The following RBFOX1 variants were observed in gnomAD, a reference collection of about 807,000 sequenced individuals.
The protein encoded by RBFOX1 is RNA binding fox-1 homolog 1, also known as RNA binding protein fox-1 homolog 1.
RBFOX1 carries 8 observed loss-of-function variants against 57.7 expected under a neutral mutation model. That is an observed-to-expected ratio of 0.14 (90% CI 0.08 to 0.25). RBFOX1 has a LOEUF of 0.25. Among genes scored for constraint, RBFOX1 ranks in the 10% least tolerant of loss-of-function variants. RBFOX1 has a pLI of 1.00. For synonymous variants in RBFOX1, 326 were observed against 222.4 expected (o/e 1.47, Z -4.15); for missense variants, 611 against 548.5 (o/e 1.11, Z -1.14).
At chr16:7,487,296 A>G (rs1050730063) in intron 4 of RBFOX1, among the ~76,000 whole-genome samples, 1 of 152,006 alleles carries the variant, frequency 6.6e-6, no homozygotes, top group African/African-American at 2.4e-5. Context: ...CTTTATCTCA[A>G]ATAGCGGCCC....
At chr16:7,297,281 G>T (rs1284288976) in intron 4 of RBFOX1, among the ~76,000 whole-genome samples, 1 of 152,164 alleles carries the variant, frequency 6.6e-6, no homozygotes, top group African/African-American at 2.4e-5. Flanking sequence ...CTGTGAGATG[G>T]GTAATTGAGA....
intron 2 of RBFOX1, among the ~76,000 whole-genome samples, chr16:5,508,067 C>T (rs1472501001): frequency 6.6e-6 from 1 of 152,210 alleles, no homozygotes; most frequent in African/African-American, 2.4e-5. Context: ...TGGACAGTCC[C>T]CGGCCCCTCT....
At chr16:6,524,191 G>A (rs545410815) in intron 2 of RBFOX1, among the ~76,000 whole-genome samples, 3 of 152,072 alleles carry the variant, frequency 2.0e-5, no homozygotes, top group South Asian at 2.1e-4. Context: ...CTCTATCTCC[G>A]TGAGTTCTAT....
At chr16:7,382,921 C>G (rs924451365) in intron 4 of RBFOX1, among the ~76,000 whole-genome samples, 5 of 152,104 alleles carry the variant, frequency 3.3e-5, no homozygotes, top group Non-Finnish European at 7.4e-5. Flanking sequence ...AGATATTTGC[C>G]TTTAGACATC....
intron 3 of RBFOX1, among the ~76,000 whole-genome samples, chr16:6,804,756 G>A (rs188402935): frequency 9.9e-5 from 15 of 152,280 alleles, no homozygotes; most frequent in Admixed American, 7.2e-4. Context: ...AGAATGGGAC[G>A]CAGTGGATTG....
intron 4 of RBFOX1, among the ~76,000 whole-genome samples, chr16:7,226,243 A>T (rs1487817019): frequency 6.6e-6 from 1 of 152,196 alleles, no homozygotes; most frequent in Non-Finnish European, 1.5e-5. Context: ...GGATATTCTG[A>T]TCAGGCAGGT....
chr16:5,757,379 A>G (rs955982961), intron 3 of RBFOX1, among the ~76,000 whole-genome samples: 1 of 151,758 alleles, frequency 6.6e-6, no homozygotes, highest in African/African-American at 2.4e-5. Flanking sequence ...CTACATGCCC[A>G]TGCCACCACA....
At chr16:7,564,413 C>T (rs182930008) in intron 5 of RBFOX1, among the ~76,000 whole-genome samples, 1 of 152,002 alleles carries the variant, frequency 6.6e-6, no homozygotes, top group East Asian at 1.9e-4. Context: ...TGGCACCAGA[C>T]ACCTGTAATC....
chr16:6,651,157 C>G (rs922222196), intron 2 of RBFOX1, among the ~76,000 whole-genome samples: 8 of 152,294 alleles, frequency 5.3e-5, no homozygotes, highest in Admixed American at 1.3e-4. Context: ...CCGCCTCAGT[C>G]TCCCAGAGTG....
chr16:6,730,871 C>G (rs1412374855), intron 3 of RBFOX1, among the ~76,000 whole-genome samples: 2 of 152,206 alleles, frequency 1.3e-5, no homozygotes, highest in Admixed American at 6.5e-5. Flanking sequence ...AGACCCCACC[C>G]TGCTTCCTTG....
intron 2 of RBFOX1, among the ~76,000 whole-genome samples, chr16:6,562,962 G>T (rs1272384205): frequency 2.8e-5 from 4 of 142,324 alleles, no homozygotes; most frequent in Non-Finnish European, 6.0e-5. Context: ...CCTTTCCTGG[G>T]TATGTCCTTC....
intron 14 of RBFOX1, among the ~76,000 whole-genome samples, chr16:7,679,101 TAAGTA>T (rs2074106392): frequency 6.6e-6 from 1 of 152,226 alleles, no homozygotes; most frequent in Non-Finnish European, 1.5e-5. Context: ...AATTAATTAA[TAAGTA>T]AATGGACAGA....
intron 3 of RBFOX1, among the ~76,000 whole-genome samples, chr16:5,776,296 T>C (rs1208719862): frequency 6.6e-6 from 1 of 152,230 alleles, no homozygotes; most frequent in Non-Finnish European, 1.5e-5. Context: ...GTGTCTTATG[T>C]AATATTTTCT....
intron 3 of RBFOX1, among the ~76,000 whole-genome samples, chr16:5,827,467 A>G (rs4277347): frequency 0.06 from 9,069 of 151,672 alleles, 332 homozygotes; most frequent in African/African-American, 0.1. Context: ...ACTTCTACAC[A>G]GTAGTTGAAG....
intron 2 of RBFOX1, among the ~76,000 whole-genome samples, chr16:6,454,519 C>T (rs920430269): frequency 6.6e-6 from 1 of 152,130 alleles, no homozygotes; most frequent in African/African-American, 2.4e-5. Context: ...GATTGCTCCA[C>T]TGCACTGTAA....
At chr16:6,989,760 G>T (rs2091089609) in intron 3 of RBFOX1, among the ~76,000 whole-genome samples, 1 of 152,164 alleles carries the variant, frequency 6.6e-6, no homozygotes, top group Non-Finnish European at 1.5e-5. Flanking sequence ...AGCACTTTGG[G>T]AGGCTAAGGC....
chr16:7,215,170 G>C (rs537827222), intron 4 of RBFOX1, among the ~76,000 whole-genome samples: 171 of 152,268 alleles, frequency 1.1e-3, no homozygotes, highest in Non-Finnish European at 1.9e-3. Context: ...TTGGTTTTCT[G>C]TTCCTGTGTT....
intron 4 of RBFOX1, among the ~76,000 whole-genome samples, chr16:5,981,813 C>T (rs578054914): frequency 2.6e-5 from 4 of 152,196 alleles, no homozygotes; most frequent in East Asian, 3.9e-4. Flanking sequence ...TGCCCCTGAA[C>T]GGACGTTTGA....
At chr16:6,576,920 A>C (rs1003294359) in intron 2 of RBFOX1, 1 of 152,158 alleles carries the variant, frequency 6.6e-6, no homozygotes, top group Non-Finnish European at 1.5e-5. Flanking sequence ...AGCAAAGATA[A>C]AGAACCTGTA....
Sources: allele counts gnomAD v4.1 joint callset (sites outside exome capture counted in the v4.1 genomes callset), GRCh38; gene constraint gnomAD v4.1.1; transcripts MANE v1.5; gene names NCBI Gene and HGNC (gene_info 2026-07-23, HGNC 2026-07-21).